Variants in PAK3 observed in about 807,000 individuals in gnomAD.
PAK3 encodes p21 (RAC1) activated kinase 3, also known as serine/threonine-protein kinase PAK 3.
In PAK3, 4 loss-of-function variants were observed where a neutral mutation model predicts 41.0. The ratio of observed to expected loss-of-function variants is 0.10; its 90% CI spans 0.05 to 0.22. The LOEUF is 0.22. Among genes scored for constraint, PAK3 ranks in the 10% least tolerant of loss-of-function variants. The pLI is 1.00. For missense variants in PAK3, 205 were observed against 409.9 expected, an observed-to-expected ratio of 0.50 and a Z score of 4.32; for synonymous variants, 146 against 139.6, an observed-to-expected ratio of 1.05 and a Z score of -0.32.
chrX:111,086,545 C>T (rs973081515), intron 1 of PAK3, among the ~76,000 whole-genome samples: 2 of 111,498 alleles, frequency 1.8e-5, no homozygotes, highest in East Asian at 2.8e-4. Flanking sequence ...GACAATCTCA[C>T]GATTAGTGAG....
chrX:111,182,925 G>A (rs964964367), intron 11 of PAK3, among the ~76,000 whole-genome samples: 1 of 111,442 alleles, frequency 9.0e-6, no homozygotes, highest in African/African-American at 3.3e-5. Context: ...ACCATGTCCT[G>A]GTACAAACTA....
At chrX:111,159,496 C>T (rs1278701487) in intron 8 of PAK3, among the ~76,000 whole-genome samples, 1 of 111,225 alleles carries the variant, frequency 9.0e-6, no homozygotes, top group East Asian at 2.8e-4. Context: ...TACTCAGCTT[C>T]CATCCTTCTA....
chrX:110,993,241 A>G (rs2091681158), intron 1 of PAK3, among the ~76,000 whole-genome samples: 1 of 111,771 alleles, frequency 8.9e-6, no homozygotes, highest in Admixed American at 9.5e-5. Flanking sequence ...AAGCCCCTTG[A>G]TCTTTTTTAG....
At position 111,163,544 on chromosome X, in the gene PAK3, G is replaced by T; in HGVS notation, c.601-18G>T. 8.5e-7 allele frequency: 1 copy of T among 1,180,765 alleles called. No individual in the cohort carries two copies. ...CTTGGCCTGCTGTTTTAATTGCAGAGCTTTTTGGTTTTTTTAGATCTATAC... is the reference window on the plus strand; with the variant it reads ...CTTGGCCTGCTGTTTTAATTGCAGATCTTTTTGGTTTTTTTAGATCTATAC... On this transcript the variant is annotated intron_variant, in intron 9 of 17. Transcript: ENST00000372007.
intron 16 of PAK3, among the ~76,000 whole-genome samples, chrX:111,198,928 T>C (rs1004136252): frequency 1.8e-5 from 2 of 111,760 alleles, no homozygotes; most frequent in Non-Finnish European, 3.8e-5. Flanking sequence ...AGTATGGCCA[T>C]GTTAAAAATA....
intron 1 of PAK3, among the ~76,000 whole-genome samples, chrX:111,074,442 A>G (rs982583969): frequency 4.5e-5 from 5 of 111,550 alleles, no homozygotes; most frequent in Admixed American, 9.6e-5. Flanking sequence ...TGTGTCATGC[A>G]TGTTCCCCAT....
chrX:111,000,540 G>A (rs758670230), intron 1 of PAK3, among the ~76,000 whole-genome samples: 1 of 111,917 alleles, frequency 8.9e-6, no homozygotes, highest in South Asian at 3.8e-4. Context: ...ATGAGATCCT[G>A]GATTGGATCC....
chrX:111,008,606 G>C (rs887165838), intron 1 of PAK3, among the ~76,000 whole-genome samples: 1 of 112,457 alleles, frequency 8.9e-6, no homozygotes, highest in Non-Finnish European at 1.9e-5. Flanking sequence ...ATCACTGCCT[G>C]GGTTCAAGTT....
At chrX:111,052,150 C>A (rs1298819211) in intron 1 of PAK3, among the ~76,000 whole-genome samples, 1 of 112,252 alleles carries the variant, frequency 8.9e-6, no homozygotes, top group Non-Finnish European at 1.9e-5. Context: ...CATGTACTCC[C>A]AGTCCCTCTC....
chrX:111,035,198 G>T (rs778958331), intron 1 of PAK3, among the ~76,000 whole-genome samples: 7 of 107,864 alleles, frequency 6.5e-5, no homozygotes, highest in African/African-American at 2.4e-4. Flanking sequence ...GGTAATATCT[G>T]CCTTGCCAAC....
intron 4 of PAK3, among the ~76,000 whole-genome samples, chrX:111,117,532 G>A (rs1279241777): frequency 8.9e-6 from 1 of 111,895 alleles, no homozygotes; most frequent in African/African-American, 3.2e-5. Context: ...TTAAAATGAG[G>A]TGTTGGTAAT....
intron 1 of PAK3, among the ~76,000 whole-genome samples, chrX:111,022,107 G>A (rs77498239): frequency 8.9e-6 from 1 of 111,947 alleles, no homozygotes; most frequent in African/African-American, 3.2e-5. Flanking sequence ...ACATATTTGA[G>A]GGAACAATTG....
chrX:111,182,318 C>T (rs771344261), intron 11 of PAK3, among the ~76,000 whole-genome samples: 1 of 110,102 alleles, frequency 9.1e-6, no homozygotes, highest in Non-Finnish European at 1.9e-5. Flanking sequence ...GCTCCCTGGC[C>T]CCACACCCAT....
intron 7 of PAK3, among the ~76,000 whole-genome samples, chrX:111,148,575 G>C (rs1229912631): frequency 2.7e-5 from 3 of 111,354 alleles, no homozygotes; most frequent in Non-Finnish European, 5.6e-5. Flanking sequence ...TGGCTGGTGA[G>C]ACCTCAGAAT....
At chrX:111,155,062 A>T (rs1315700966) in intron 8 of PAK3, among the ~76,000 whole-genome samples, 1 of 110,877 alleles carries the variant, frequency 9.0e-6, no homozygotes, top group Non-Finnish European at 1.9e-5. Context: ...AGAAAAAAAA[A>T]TGATGATCTC....
At chrX:110,966,701 T>G (rs1202446810) in intron 1 of PAK3, among the ~76,000 whole-genome samples, 5 of 110,505 alleles carry the variant, frequency 4.5e-5, no homozygotes, top group Non-Finnish European at 9.5e-5. Context: ...CATTTTGAAG[T>G]GTGTATGTAC....
chrX:110,968,743 T>C (rs1280465080), intron 1 of PAK3, among the ~76,000 whole-genome samples: 1 of 111,792 alleles, frequency 8.9e-6, no homozygotes, highest in African/African-American at 3.3e-5. Context: ...GTTAGATGCA[T>C]GATTTGCAAA....
At chrX:111,197,347 T>C (rs2094627164) in intron 16 of PAK3, among the ~76,000 whole-genome samples, 1 of 112,325 alleles carries the variant, frequency 8.9e-6, no homozygotes, top group Admixed American at 9.4e-5. Context: ...CTAAATTAAC[T>C]CCATGTCTTT....
intron 5 of PAK3, among the ~76,000 whole-genome samples, chrX:111,132,208 G>A (rs915227769): frequency 2.7e-5 from 3 of 110,450 alleles, no homozygotes; most frequent in Non-Finnish European, 3.8e-5. Flanking sequence ...ATTTGTTAGG[G>A]AAATGAAGAA....
Sources: gnomAD v4.1 joint callset for allele counts (sites outside exome capture counted in the v4.1 genomes callset) on GRCh38, gnomAD v4.1.1 for gene constraint, MANE v1.5 for transcripts, NCBI Gene and HGNC (gene_info 2026-07-23, HGNC 2026-07-21) for gene names.